The following TAFA2 variants were observed in gnomAD, a reference collection of about 807,000 sequenced individuals.
The protein encoded by TAFA2 is TAFA chemokine like family member 2, also known as chemokine-like protein TAFA-2.
In TAFA2, 7 loss-of-function variants were observed where a neutral mutation model predicts 18.8. That is an observed-to-expected ratio of 0.37 (90% CI 0.21 to 0.70). TAFA2 has a LOEUF of 0.70. TAFA2 is among the 30% of genes least tolerant of loss of function. The probability of loss-of-function intolerance (pLI) is 0.53; values close to 1 mark genes in which losing one functional copy is unlikely to be tolerated. For missense variants in TAFA2, 122 were observed against 158.1 expected, an observed-to-expected ratio of 0.77 and a Z score of 1.23; for synonymous variants, 60 against 54.2, an observed-to-expected ratio of 1.11 and a Z score of -0.47.
At chr12:61,858,534 A>G (rs556859880) in intron 2 of TAFA2, among the ~76,000 whole-genome samples, 1 of 152,252 alleles carries the variant, frequency 6.6e-6, no homozygotes, top group African/African-American at 2.4e-5. Flanking sequence ...AGCTTTTTAT[A>G]TTAGTATTAA....
chr12:62,162,040 C>G (rs1018222155), intron 1 of TAFA2, among the ~76,000 whole-genome samples: 2 of 152,146 alleles, frequency 1.3e-5, no homozygotes, highest in African/African-American at 2.4e-5. Flanking sequence ...GTGTTAAGTT[C>G]TTTCTCTGTC....
At chr12:62,258,243 A>T (rs983258686) in intron 1 of TAFA2, 1 of 152,182 alleles carries the variant, frequency 6.6e-6, no homozygotes, top group Non-Finnish European at 1.5e-5. Context: ...CCTGACTCTG[A>T]TGGCAGTTAC....
At chr12:62,033,261 C>A (rs348688) in intron 1 of TAFA2, among the ~76,000 whole-genome samples, 103,614 of 152,036 alleles carry the variant, frequency 0.68, 35,426 homozygotes, top group Middle Eastern at 0.76. Context: ...GGGGCTTTTT[C>A]ATGAACATAC....
chr12:61,748,161 G>A (rs1320636839), intron 4 of TAFA2, among the ~76,000 whole-genome samples: 3 of 151,942 alleles, frequency 2.0e-5, no homozygotes, highest in African/African-American at 4.8e-5. Context: ...GGGAGGGAGA[G>A]AGGGAGGGAA....
chr12:62,047,530 G>A (rs889136935), intron 1 of TAFA2, among the ~76,000 whole-genome samples: 5 of 152,116 alleles, frequency 3.3e-5, no homozygotes, highest in African/African-American at 1.2e-4. Context: ...TTAGATGCCA[G>A]GTTTATTTGA....
chr12:62,032,609 TAAGTTCC>T (rs1194514550), intron 1 of TAFA2, among the ~76,000 whole-genome samples: 1 of 152,164 alleles, frequency 6.6e-6, no homozygotes, highest in African/African-American at 2.4e-5. Context: ...TTTATTTGTT[TAAGTTCC>T]ATAGGAATAC....
intron 1 of TAFA2, among the ~76,000 whole-genome samples, chr12:62,131,391 C>T (rs1870678454): frequency 6.6e-6 from 1 of 151,948 alleles, no homozygotes; most frequent in Admixed American, 6.6e-5. Context: ...GCCGGGGCAG[C>T]GGGTTGCTAT....
chr12:61,839,850 CT>C (rs1327257954), intron 2 of TAFA2, among the ~76,000 whole-genome samples: 3 of 152,044 alleles, frequency 2.0e-5, no homozygotes, highest in Admixed American at 6.5e-5. Context: ...CATGTACCCC[CT>C]GAACCTAAAA....
chr12:62,210,462 G>A (rs568548906), intron 1 of TAFA2, among the ~76,000 whole-genome samples: 4 of 152,246 alleles, frequency 2.6e-5, no homozygotes, highest in African/African-American at 9.6e-5. Flanking sequence ...TTGTCAAAAT[G>A]TTGCTTGAAA....
At chr12:61,734,965 T>A (rs1312556013) in intron 4 of TAFA2, among the ~76,000 whole-genome samples, 1 of 152,064 alleles carries the variant, frequency 6.6e-6, no homozygotes, top group Non-Finnish European at 1.5e-5. Context: ...ATGATAATAA[T>A]CAAGTCTTTC....
intron 1 of TAFA2, among the ~76,000 whole-genome samples, chr12:62,166,350 T>C (rs2062439801): frequency 1.3e-5 from 2 of 152,166 alleles, no homozygotes; most frequent in African/African-American, 4.8e-5. Flanking sequence ...GGAGAGACAT[T>C]TGGCAAAATT....
intron 4 of TAFA2, among the ~76,000 whole-genome samples, chr12:61,713,297 A>C (rs922200196): frequency 6.6e-6 from 1 of 152,106 alleles, no homozygotes; most frequent in African/African-American, 2.4e-5. Context: ...CGTTTTCTCT[A>C]TGTCACTTTC....
chr12:61,803,575 A>G (rs1871484274), intron 2 of TAFA2, among the ~76,000 whole-genome samples: 1 of 151,982 alleles, frequency 6.6e-6, no homozygotes, highest in Admixed American at 6.6e-5. Flanking sequence ...CCCCTTTAGC[A>G]TATATATTAA....
At chr12:62,043,382 A>G (rs1380474735) in intron 1 of TAFA2, among the ~76,000 whole-genome samples, 3 of 149,810 alleles carry the variant, frequency 2.0e-5, no homozygotes, top group Admixed American at 6.7e-5. Context: ...CAAACACCAC[A>G]TGTTCTCACT....
At chr12:62,174,940 C>T (rs973955113) in intron 1 of TAFA2, among the ~76,000 whole-genome samples, 24 of 152,198 alleles carry the variant, frequency 1.6e-4, no homozygotes, top group Middle Eastern at 3.4e-3. Flanking sequence ...TTATAAACTC[C>T]GAGAGTAATG....
intron 4 of TAFA2, among the ~76,000 whole-genome samples, chr12:61,719,481 G>A (rs1300585216): frequency 6.6e-6 from 1 of 152,056 alleles, no homozygotes; most frequent in Non-Finnish European, 1.5e-5. Flanking sequence ...GCCCACAGGA[G>A]GACCATTTCC....
intron 1 of TAFA2, among the ~76,000 whole-genome samples, chr12:62,102,800 T>C (rs1320761874): frequency 2.6e-5 from 4 of 152,184 alleles, no homozygotes; most frequent in Non-Finnish European, 5.9e-5. Flanking sequence ...AGCTAGCACA[T>C]ATTTAGGTAA....
intron 2 of TAFA2, among the ~76,000 whole-genome samples, chr12:61,790,377 C>A (rs1335106067): frequency 6.6e-6 from 1 of 151,730 alleles, no homozygotes; most frequent in East Asian, 1.9e-4. Flanking sequence ...AGTAATGAGG[C>A]AACAGAAATC....
chr12:62,234,422 T>A, intron 1 of TAFA2: 2 of 734,122 alleles, frequency 2.7e-6, no homozygotes, highest in East Asian at 3.0e-5. Flanking sequence ...TGCTGTCCAT[T>A]GTTGGCCCGT....
Sources: gnomAD v4.1 joint callset for allele counts (sites outside exome capture counted in the v4.1 genomes callset) on GRCh38, gnomAD v4.1.1 for gene constraint, MANE v1.5 for transcripts, NCBI Gene and HGNC (gene_info 2026-07-23, HGNC 2026-07-21) for gene names.